CLASRP: variants seen among roughly 807,000 people sequenced by gnomAD.
CLASRP encodes CLK4-associating serine/arginine rich protein.
CLASRP carries 52 observed loss-of-function variants against 99.9 expected under a neutral mutation model. The ratio of observed to expected loss-of-function variants is 0.52; its 90% CI spans 0.42 to 0.66. The LOEUF is 0.66. Among genes scored for constraint, CLASRP ranks in the 30% least tolerant of loss-of-function variants. The pLI is 0.00. For synonymous variants in CLASRP, 379 were observed against 373.0 expected, an observed-to-expected ratio of 1.02 and a Z score of -0.18; for missense variants, 848 against 999.2, an observed-to-expected ratio of 0.85 and a Z score of 2.04.
At chr19:45,062,565 GT>G (rs1966965347) in intron 11 of CLASRP, among the ~76,000 whole-genome samples, 1 of 152,096 alleles carries the variant, frequency 6.6e-6, no homozygotes, top group African/African-American at 2.4e-5. Flanking sequence ...TTTTAGTAGA[GT>G]TTAGTAGGGT....
At chr19:45,047,425 A>C (rs1971940702) in intron 2 of CLASRP, 1 of 151,446 alleles carries the variant, frequency 6.6e-6, no homozygotes, top group African/African-American at 2.4e-5. Context: ...AAAAAAAAAA[A>C]AAAAAACAGA....
At position 45,070,869 on chromosome 19, in the gene CLASRP, G is replaced by GTGC; in HGVS notation, c.*24_*25insTGC. 1 of 1,011,170 alleles carries GTGC rather than the reference G, an allele frequency of 9.9e-7. No homozygotes were observed. Among genetic ancestry groups the GTGC allele is most frequent in the Non-Finnish European group, 1.5e-6 (1 of 668,612 alleles). The allele number at this position is 1,011,170 out of a possible 1,614,324, so 62.6% of individuals were successfully genotyped here. On this transcript the variant is annotated 3_prime_UTR_variant, in exon 21 of 21. Transcript: ENST00000221455. The stretch of plus-strand genomic sequence containing the variant: ...AGGCAGAAGAGTGGGGGGTGGGGAG[G>GTGC]ACAAGGGGGTGGGTAAGGGGCTCAA...
chr19:45,057,071 G>A (rs1972132616), intron 6 of CLASRP, among the ~76,000 whole-genome samples: 1 of 152,194 alleles, frequency 6.6e-6, no homozygotes, highest in Admixed American at 6.5e-5. Context: ...AGGAGCAGTG[G>A]CCGAGCAGTC....
At chr19:45,059,822 T>C (rs1327593434) in intron 8 of CLASRP, among the ~76,000 whole-genome samples, 1 of 152,124 alleles carries the variant, frequency 6.6e-6, no homozygotes, top group Admixed American at 6.6e-5. Flanking sequence ...CCAGAGCCCT[T>C]TGTGGCTCCC....
intron 11 of CLASRP, 60 bp from the exon 12 acceptor site, chr19:45,063,952 G>A: frequency 6.6e-7 from 1 of 1,523,596 alleles, no homozygotes. Flanking sequence ...TGCTGTGTGT[G>A]CTGTTCCCGA....
chr19:45,041,308 A>G (rs1039187261), intron 2 of CLASRP, among the ~76,000 whole-genome samples: 1 of 151,812 alleles, frequency 6.6e-6, no homozygotes, highest in Non-Finnish European at 1.5e-5. Context: ...CTCCTGTCTG[A>G]TGCTTCAGTT....
intron 5 of CLASRP, among the ~76,000 whole-genome samples, chr19:45,053,480 A>T (rs1306065959): frequency 6.6e-6 from 1 of 151,908 alleles, no homozygotes; most frequent in South Asian, 2.1e-4. Context: ...TTTTATTTTT[A>T]TTTATTTATT....
At chr19:45,053,606 G>A (rs1007909794) in intron 5 of CLASRP, among the ~76,000 whole-genome samples, 1 of 151,992 alleles carries the variant, frequency 6.6e-6, no homozygotes, top group African/African-American at 2.4e-5. Flanking sequence ...AGCCTCCTGA[G>A]TAGCTGGGAT....
chr19:45,047,521 G>A (rs562038330), intron 2 of CLASRP: 1 of 151,724 alleles, frequency 6.6e-6, no homozygotes, highest in Non-Finnish European at 1.5e-5. Context: ...TGGCCACTGT[G>A]CAAGGATGAC....
chr19:45,062,251 A>C (rs1568419075), intron 11 of CLASRP, 56 bp downstream of exon 11: 2 of 971,882 alleles, frequency 2.1e-6, no homozygotes, highest in Non-Finnish European at 3.4e-6. Context: ...TGATGGGGAC[A>C]GGGGTGCTGA....
intron 13 of CLASRP, among the ~76,000 whole-genome samples, chr19:45,064,882 G>T: frequency 6.6e-6 from 1 of 152,194 alleles, no homozygotes; most frequent in East Asian, 1.9e-4. Context: ...AGGGTGTGGA[G>T]AGGAGACTGT....
chr19:45,065,372 G>A lies in CLASRP; in HGVS notation c.1409+742G>A, dbSNP rs1407386979. 1.1e-4 allele frequency among the ~76,000 whole-genome samples: 16 copies of A among 141,084 alleles called. No individual in the cohort carries two copies. The South Asian group carries it at 3.7e-3, about 33-fold the overall frequency. 92.6% of individuals were successfully genotyped at this position (141,084 alleles called of 152,430 possible). ...GCCACCGCACTCTAGCCTGGTGACAGAGTGAGATTCCGTCTCAAAAAAAAA... is the reference window on the plus strand; with the variant it reads ...GCCACCGCACTCTAGCCTGGTGACAAAGTGAGATTCCGTCTCAAAAAAAAA... On this transcript the variant is annotated intron_variant, in intron 13 of 20. Coordinates refer to ENST00000221455, the MANE Select transcript of CLASRP (RefSeq NM_007056.3).
chr19:45,053,222 G>A (rs1490174951), intron 5 of CLASRP, 45 bp downstream of exon 5: 1 of 1,590,134 alleles, frequency 6.3e-7, no homozygotes, highest in South Asian at 1.1e-5. Flanking sequence ...TTTGAGCCTG[G>A]AGCCTGGAAG....
At chr19:45,044,823 G>T (rs1971885192) in intron 2 of CLASRP, among the ~76,000 whole-genome samples, 1 of 152,124 alleles carries the variant, frequency 6.6e-6, no homozygotes, top group Non-Finnish European at 1.5e-5. Flanking sequence ...ATCCCATCAT[G>T]GTTAGTCCTT....
chr19:45,040,177 CCCT>C lies in CLASRP; in HGVS notation c.-29-5_-29-3del. The C allele has an allele frequency of 6.6e-7, 1 of 1,518,158 alleles. No individual in the cohort carries two copies. Among genetic ancestry groups the C allele is most frequent in the Non-Finnish European group, 9.0e-7 (1 of 1,107,416 alleles). 94.0% of individuals were successfully genotyped at this position (1,518,158 alleles called of 1,614,324 possible). On this transcript the variant is annotated splice_polypyrimidine_tract_variant and splice_region_variant and intron_variant, in intron 1 of 20. Transcript: ENST00000221455. ...CATCTGACTTTCCTGGTCCCTTCAT[CCCT>C]CAGGTTGAGGCCCCAGGCTTGGCCT...
intron 13 of CLASRP, among the ~76,000 whole-genome samples, chr19:45,066,467 T>G (rs1467488928): frequency 6.6e-6 from 1 of 151,120 alleles, no homozygotes; most frequent in Non-Finnish European, 1.5e-5. Flanking sequence ...AAAACGCAAT[T>G]CAAAAATTAG....
intron 7 of CLASRP, 34 bp downstream of exon 7, chr19:45,057,932 T>C: frequency 6.2e-7 from 1 of 1,611,676 alleles, no homozygotes; most frequent in South Asian, 1.1e-5. Flanking sequence ...CCACCTGCAG[T>C]CCCTGGGCAT....
In CLASRP at chr19:45,070,799, C is replaced by G. The variant is rs202035765; in HGVS notation, c.1983-4C>G. 20 of 1,611,164 alleles carry G rather than the reference C, an allele frequency of 1.2e-5. No individual in the cohort carries two copies. The highest frequency in any genetic ancestry group is 3.3e-4 in the Middle Eastern group (2 of 6,066). On this transcript the variant is annotated splice_polypyrimidine_tract_variant and splice_region_variant and intron_variant, in intron 20 of 20. Transcript: ENST00000221455. Reference sequence around the variant, plus strand: ...CCTCACGGCCCCTCCCTTTCTCTTTCCAGGCGCTCAAGGTCCCGATCCCGA... The same window carrying G: ...CCTCACGGCCCCTCCCTTTCTCTTTGCAGGCGCTCAAGGTCCCGATCCCGA...
intron 3 of CLASRP, among the ~76,000 whole-genome samples, 176 bp downstream of exon 3, chr19:45,052,344 C>T (rs1046777105): frequency 6.6e-6 from 1 of 152,080 alleles, no homozygotes; most frequent in African/African-American, 2.4e-5. Context: ...GAACAATGAG[C>T]AGGGGTTGGG....
Sources: gnomAD v4.1 joint callset for allele counts (sites outside exome capture counted in the v4.1 genomes callset) on GRCh38, gnomAD v4.1.1 for gene constraint, MANE v1.5 for transcripts, NCBI Gene and HGNC (gene_info 2026-07-23, HGNC 2026-07-21) for gene names.